Variants in VPS13B observed in about 807,000 individuals in gnomAD.
VPS13B encodes the protein vacuolar protein sorting 13 homolog B.
Under a neutral mutation model 426.4 loss-of-function variants are expected in VPS13B, and 285 were observed. The observed-to-expected ratio is 0.67, with a 90% CI of 0.61 to 0.74. VPS13B has a LOEUF of 0.74. VPS13B is among the 30% of genes least tolerant of loss of function. The probability of loss-of-function intolerance (pLI) is 0.00; values close to 1 mark genes in which losing one functional copy is unlikely to be tolerated. For synonymous variants in VPS13B, 1,676 were observed against 1,676.4 expected (o/e 1.00, Z 0.01); for missense variants, 4,537 against 4,782.6 (o/e 0.95, Z 1.51).
At chr8:99,064,051 A>G (rs912367376) in intron 3 of VPS13B, among the ~76,000 whole-genome samples, 8 of 152,216 alleles carry the variant, frequency 5.3e-5, no homozygotes, top group Non-Finnish European at 1.2e-4. Flanking sequence ...ACAGAAAGGC[A>G]TAGCATCAAC....
chr8:99,050,542 A>G (rs1843484617), intron 3 of VPS13B, among the ~76,000 whole-genome samples: 1 of 152,208 alleles, frequency 6.6e-6, no homozygotes, highest in Non-Finnish European at 1.5e-5. Flanking sequence ...TACTTTGGGC[A>G]TATACCAAGT....
At chr8:99,460,202 A>G (rs748788435) in intron 23 of VPS13B, among the ~76,000 whole-genome samples, 4 of 151,658 alleles carry the variant, frequency 2.6e-5, no homozygotes, top group African/African-American at 7.3e-5. Context: ...TATGTGCTTT[A>G]TATCTGTATT....
chr8:99,616,418 GTATCTCAAGACGT>G (rs1828089101), intron 33 of VPS13B, among the ~76,000 whole-genome samples: 1 of 152,180 alleles, frequency 6.6e-6, no homozygotes, highest in African/African-American at 2.4e-5. Context: ...TGAAGGAGAG[GTATCTCAAGACGT>G]TTAAGAGGAA....
chr8:99,694,972 G>A (rs1343341583), intron 35 of VPS13B, among the ~76,000 whole-genome samples: 1 of 150,880 alleles, frequency 6.6e-6, no homozygotes, highest in Non-Finnish European at 1.5e-5. Flanking sequence ...GGCCATCAGA[G>A]AAATGCAAAT....
intron 35 of VPS13B, among the ~76,000 whole-genome samples, chr8:99,689,166 T>C (rs963160838): frequency 1.3e-5 from 2 of 152,012 alleles, no homozygotes; most frequent in Admixed American, 1.3e-4. Context: ...ATAGCAGAAA[T>C]GTCTCTTCTA....
intron 55 of VPS13B, among the ~76,000 whole-genome samples, chr8:99,849,619 T>C (rs1462630257): frequency 1.3e-5 from 2 of 152,152 alleles, no homozygotes; most frequent in Non-Finnish European, 2.9e-5. Context: ...ATTCCACTTT[T>C]AAGTGTGTTA....
chr8:99,362,298 C>T (rs754303474), intron 19 of VPS13B, among the ~76,000 whole-genome samples: 1 of 152,048 alleles, frequency 6.6e-6, no homozygotes, highest in East Asian at 1.9e-4. Context: ...CCCGCCACCA[C>T]ACCTGCTAAT....
chr8:99,246,924 C>T (rs889156308), intron 17 of VPS13B, among the ~76,000 whole-genome samples: 1 of 151,642 alleles, frequency 6.6e-6, no homozygotes, highest in African/African-American at 2.4e-5. Flanking sequence ...TTTGTTGGTA[C>T]TTTAGGCAAT....
At chr8:99,365,809 C>T (rs1812844828) in intron 19 of VPS13B, among the ~76,000 whole-genome samples, 2 of 151,998 alleles carry the variant, frequency 1.3e-5, no homozygotes, top group African/African-American at 4.8e-5. Context: ...GCCACCATGC[C>T]CAGCCCTCCA....
Position 99,371,539 on chromosome 8 carries a change from G to A in VPS13B, c.2825-12669G>A, listed in dbSNP as rs185317875. Among the ~76,000 whole-genome samples the A allele has an allele frequency of 2.0e-4, 31 of 152,204 alleles. No homozygotes were observed. In the East Asian group the frequency reaches 2.1e-3, roughly 10 times the overall value. ...TAGCGTGATGCCTCCAGCTTTGTTC[G>A]TTTTGCTTAGGATTGTCTTGGCTAT... On this transcript the variant is annotated intron_variant, in intron 19 of 61. Coordinates refer to ENST00000357162, the MANE Select transcript of VPS13B (RefSeq NM_152564.5).
intron 6 of VPS13B, among the ~76,000 whole-genome samples, chr8:99,111,503 G>C (rs542026765): frequency 3.9e-4 from 58 of 149,260 alleles, no homozygotes; most frequent in African/African-American, 1.4e-3. Context: ...TTCTGTAATT[G>C]TTTTTTTTTA....
intron 58 of VPS13B, among the ~76,000 whole-genome samples, chr8:99,866,530 G>T (rs1354955042): frequency 6.6e-6 from 1 of 152,206 alleles, no homozygotes; most frequent in East Asian, 1.9e-4. Flanking sequence ...TCCACTTTTG[G>T]GGGGCTGCCC....
chr8:99,467,462 C>A lies in VPS13B; in HGVS notation c.3494C>A (p.Thr1165Asn), dbSNP rs777953652. 2 of 1,613,580 alleles carry A rather than the reference C, an allele frequency of 1.2e-6. No individual in the cohort carries two copies. Among genetic ancestry groups the A allele is most frequent in the East Asian group, 2.2e-5 (1 of 44,868 alleles). The stretch of plus-strand genomic sequence containing the variant: ...AGCTTGCATAATTTCAGCATATATA[C>A]CCTTCTTGGAAAACAAGTGACACTT... ...TISLHNFSIY[T>N]LLGKQVTLCL... is the part of the protein sequence containing the mutation. The change falls in exon 24 of 62, where the codon ACC (threonine) becomes AAC (asparagine). Residue 1165 changes from threonine (T) to asparagine (N), a missense_variant. Thr to Asn is a moderately conservative substitution (Grantham distance 65). Transcript: ENST00000357162.
intron 16 of VPS13B, among the ~76,000 whole-genome samples, chr8:99,175,172 GT>G (rs1472408360): frequency 6.6e-6 from 1 of 152,156 alleles, no homozygotes; most frequent in Admixed American, 6.5e-5. Context: ...GTTGAATGAT[GT>G]TGTAGGAGGG....
chr8:99,311,659 A>G (rs201095564), intron 19 of VPS13B, among the ~76,000 whole-genome samples: 30 of 152,254 alleles, frequency 2.0e-4, no homozygotes, highest in African/African-American at 5.8e-4. Flanking sequence ...GATTTGGGGT[A>G]GAGAGTTCTG....
intron 33 of VPS13B, among the ~76,000 whole-genome samples, chr8:99,623,926 A>G (rs578236853): frequency 6.6e-6 from 1 of 150,854 alleles, no homozygotes; most frequent in East Asian, 2.0e-4. Context: ...TTGCAATAGT[A>G]ATGTGAAAGG....
intron 25 of VPS13B, among the ~76,000 whole-genome samples, chr8:99,493,884 A>T (rs1431695461): frequency 1.3e-5 from 2 of 151,980 alleles, no homozygotes; most frequent in Non-Finnish European, 2.9e-5. Flanking sequence ...AATTTTAAAG[A>T]GAACACAGAG....
intron 33 of VPS13B, among the ~76,000 whole-genome samples, chr8:99,592,699 C>T (rs1233506959): frequency 2.0e-5 from 3 of 152,046 alleles, no homozygotes; most frequent in Admixed American, 6.6e-5. Flanking sequence ...CAGCATGGTA[C>T]TGATACAAAA....
At chr8:99,603,257 C>T (rs1827407302) in intron 33 of VPS13B, among the ~76,000 whole-genome samples, 1 of 152,192 alleles carries the variant, frequency 6.6e-6, no homozygotes, top group Non-Finnish European at 1.5e-5. Flanking sequence ...GATGCAAGTG[C>T]AGCACTTCCC....
Sources: allele counts gnomAD v4.1 joint callset (sites outside exome capture counted in the v4.1 genomes callset), GRCh38; gene constraint gnomAD v4.1.1; transcripts MANE v1.5; gene names NCBI Gene and HGNC (gene_info 2026-07-23, HGNC 2026-07-21).